ITPK1: variants seen among roughly 807,000 people sequenced by gnomAD.
The protein encoded by ITPK1 is inositol-tetrakisphosphate 1-kinase.
In ITPK1, 21 loss-of-function variants were observed where a neutral mutation model predicts 45.3. The ratio of observed to expected loss-of-function variants is 0.46; its 90% CI spans 0.33 to 0.67. The LOEUF (loss-of-function observed/expected upper bound fraction) is 0.67. ITPK1 is among the 30% of genes least tolerant of loss of function. ITPK1 has a pLI of 0.02. For synonymous variants in ITPK1, 258 were observed against 253.6 expected, an observed-to-expected ratio of 1.02 and a Z score of -0.16; for missense variants, 474 against 573.5, an observed-to-expected ratio of 0.83 and a Z score of 1.77.
intron 3 of ITPK1, among the ~76,000 whole-genome samples, chr14:93,019,006 C>T (rs930747090): frequency 1.3e-5 from 2 of 152,204 alleles, no homozygotes; most frequent in Non-Finnish European, 2.9e-5. Flanking sequence ...AATTACACTC[C>T]ACCCAATACC....
At chr14:93,027,351 C>T (rs893786886) in intron 3 of ITPK1, among the ~76,000 whole-genome samples, 1 of 152,192 alleles carries the variant, frequency 6.6e-6, no homozygotes, top group Non-Finnish European at 1.5e-5. Context: ...GATTCAAATC[C>T]AGCCAATAAC....
chr14:92,948,951 T>C (rs1346342844), intron 9 of ITPK1, among the ~76,000 whole-genome samples: 1 of 152,114 alleles, frequency 6.6e-6, no homozygotes, highest in Admixed American at 6.5e-5. Context: ...CACCAGCGCA[T>C]CTCCCACCCC....
intron 3 of ITPK1, among the ~76,000 whole-genome samples, chr14:93,049,855 G>A (rs907184661): frequency 6.6e-6 from 1 of 152,062 alleles, no homozygotes; most frequent in African/African-American, 2.4e-5. Flanking sequence ...GCTGGCAGCT[G>A]GGGTGGGAGA....
chr14:93,025,646 G>T (rs1488364745), intron 3 of ITPK1, among the ~76,000 whole-genome samples: 3 of 151,988 alleles, frequency 2.0e-5, no homozygotes, highest in Admixed American at 2.0e-4. Flanking sequence ...CACATTTTTT[G>T]GACTCTTCAT....
chr14:93,072,450 A>T (rs1382016768), intron 3 of ITPK1, among the ~76,000 whole-genome samples: 1 of 152,146 alleles, frequency 6.6e-6, no homozygotes, highest in African/African-American at 2.4e-5. Flanking sequence ...GGGTTTATCA[A>T]TTTCATCTCC....
chr14:92,974,033 G>C (rs1952145393), intron 5 of ITPK1, among the ~76,000 whole-genome samples: 1 of 152,234 alleles, frequency 6.6e-6, no homozygotes, highest in South Asian at 2.1e-4. Flanking sequence ...CCCTCCTGCA[G>C]ATTGGCAGAG....
At chr14:92,966,763 G>C (rs867605115) in intron 5 of ITPK1, among the ~76,000 whole-genome samples, 1 of 152,242 alleles carries the variant, frequency 6.6e-6, no homozygotes, top group African/African-American at 2.4e-5. Flanking sequence ...CAATGGAATA[G>C]AACAGAGAAT....
At chr14:93,090,765 A>G (rs1328721214) in intron 2 of ITPK1, among the ~76,000 whole-genome samples, 2 of 149,618 alleles carry the variant, frequency 1.3e-5, no homozygotes, top group Non-Finnish European at 3.0e-5. Flanking sequence ...CAAGAAATGT[A>G]TTTTTTTTTT....
Position 92,978,474 on chromosome 14 carries a change from T to C in ITPK1, c.364+15406A>G, listed in dbSNP as rs564957003. Among the ~76,000 whole-genome samples the C allele has an allele frequency of 4.6e-5, 7 of 151,926 alleles. No homozygotes were observed. The South Asian group carries it at 1.0e-3, about 22-fold the overall frequency. On this transcript the variant is annotated intron_variant, in intron 5 of 10. Transcript: ENST00000267615. ...CCCTGAAGGCTAATAGCCAAGACAATAGGGGAAAATGCCTCCAGGGCATTT... is the reference window on the plus strand; with the variant it reads ...CCCTGAAGGCTAATAGCCAAGACAACAGGGGAAAATGCCTCCAGGGCATTT...
At chr14:93,084,834 C>T (rs548204321) in intron 2 of ITPK1, among the ~76,000 whole-genome samples, 1 of 152,324 alleles carries the variant, frequency 6.6e-6, no homozygotes, top group African/African-American at 2.4e-5. Flanking sequence ...TGCCAGGCAC[C>T]CTTCCTCAGC....
chr14:93,001,507 T>C (rs868284166), intron 4 of ITPK1, among the ~76,000 whole-genome samples: 1 of 152,032 alleles, frequency 6.6e-6, no homozygotes, highest in African/African-American at 2.4e-5. Context: ...AACAGGATTC[T>C]AGAATCCTGA....
At chr14:93,040,313 GC>G (rs1178102776) in intron 3 of ITPK1, among the ~76,000 whole-genome samples, 3 of 152,194 alleles carry the variant, frequency 2.0e-5, no homozygotes, top group African/African-American at 7.2e-5. Flanking sequence ...TCCTATGAAA[GC>G]AGGGCCTCGG....
At chr14:93,077,520 G>T (rs373251742) in intron 2 of ITPK1, among the ~76,000 whole-genome samples, 17 of 152,250 alleles carry the variant, frequency 1.1e-4, no homozygotes, top group Admixed American at 5.9e-4. Context: ...GTTTCACCAT[G>T]TTGGCCAGGC....
chr14:93,053,959 T>G (rs948265836), intron 3 of ITPK1, among the ~76,000 whole-genome samples: 1 of 152,080 alleles, frequency 6.6e-6, no homozygotes, highest in East Asian at 1.9e-4. Flanking sequence ...AGATTCTAGA[T>G]GGAGGGAAGT....
At chr14:93,071,910 C>A (rs1392012266) in intron 3 of ITPK1, 3 of 151,990 alleles carry the variant, frequency 2.0e-5, no homozygotes, top group Non-Finnish European at 4.4e-5. Flanking sequence ...TTCTCCTGGA[C>A]TGAATTATTA....
At chr14:93,027,000 C>T (rs1183943567) in intron 3 of ITPK1, among the ~76,000 whole-genome samples, 1 of 152,168 alleles carries the variant, frequency 6.6e-6, no homozygotes, top group African/African-American at 2.4e-5. Flanking sequence ...ATTCCTTCAA[C>T]GTCACTTTTT....
At chr14:93,004,944 C>G (rs1887538138) in intron 4 of ITPK1, among the ~76,000 whole-genome samples, 2 of 151,900 alleles carry the variant, frequency 1.3e-5, no homozygotes, top group South Asian at 4.2e-4. Context: ...CACGGGCCTG[C>G]TGGGGGCCTG....
intron 7 of ITPK1, among the ~76,000 whole-genome samples, chr14:92,959,019 C>T (rs369410430): frequency 9.9e-5 from 15 of 152,162 alleles, no homozygotes; most frequent in Non-Finnish European, 1.3e-4. Context: ...AGCACCCAGC[C>T]GCGCCCCTAC....
chr14:93,060,004 T>C (rs2139950047), intron 3 of ITPK1, among the ~76,000 whole-genome samples: 1 of 151,308 alleles, frequency 6.6e-6, no homozygotes, highest in Admixed American at 6.6e-5. Context: ...GCATTCAAGA[T>C]CCAGGGCTTC....
Sources: gnomAD v4.1 joint callset for allele counts (sites outside exome capture counted in the v4.1 genomes callset) on GRCh38, gnomAD v4.1.1 for gene constraint, MANE v1.5 for transcripts, NCBI Gene and HGNC (gene_info 2026-07-23, HGNC 2026-07-21) for gene names.